KIF26B: variants seen among roughly 807,000 people sequenced by gnomAD.
The protein encoded by KIF26B is kinesin-like protein KIF26B.
In KIF26B, 63 loss-of-function variants were observed where a neutral mutation model predicts 151.2. The ratio of observed to expected loss-of-function variants is 0.42; its 90% CI spans 0.34 to 0.51. KIF26B has a LOEUF of 0.51. Among genes scored for constraint, KIF26B ranks in the 20% least tolerant of loss-of-function variants. KIF26B has a pLI of 0.07. For synonymous variants in KIF26B, 1,357 were observed against 1,262.1 expected (o/e 1.08, Z -1.59); for missense variants, 2,813 against 2,913.6 (o/e 0.97, Z 0.79).
chr1:245,641,638 C>T (rs1349045960), intron 9 of KIF26B, among the ~76,000 whole-genome samples: 1 of 151,860 alleles, frequency 6.6e-6, no homozygotes, highest in African/African-American at 2.4e-5. Context: ...TTTTTCATTT[C>T]ATTTATTGAA....
At chr1:245,184,831 C>T (rs1668972985) in intron 2 of KIF26B, among the ~76,000 whole-genome samples, 2 of 152,192 alleles carry the variant, frequency 1.3e-5, no homozygotes, top group Non-Finnish European at 2.9e-5. Flanking sequence ...GCGAGTGTGG[C>T]TGCCAGGTTG....
At chr1:245,433,738 T>C (rs1468300354) in intron 4 of KIF26B, among the ~76,000 whole-genome samples, 1 of 152,214 alleles carries the variant, frequency 6.6e-6, no homozygotes, top group African/African-American at 2.4e-5. Context: ...TGCTTTTTTT[T>C]CTGGCACCTG....
intron 2 of KIF26B, among the ~76,000 whole-genome samples, chr1:245,257,323 T>C (rs1486880272): frequency 6.6e-6 from 1 of 152,208 alleles, no homozygotes. Context: ...GGGCACGCAT[T>C]CTCAGGATCT....
intron 4 of KIF26B, among the ~76,000 whole-genome samples, chr1:245,482,418 A>G (rs1255055102): frequency 1.3e-5 from 2 of 151,812 alleles, no homozygotes; most frequent in East Asian, 1.9e-4. Flanking sequence ...AGACCTTCCA[A>G]TGAGTAATCC....
intron 9 of KIF26B, among the ~76,000 whole-genome samples, chr1:245,638,631 A>G (rs998674548): frequency 6.6e-6 from 1 of 151,888 alleles, no homozygotes; most frequent in Non-Finnish European, 1.5e-5. Context: ...AGTGTGTAAT[A>G]TATGACACTT....
At chr1:245,616,600 A>G (rs192410821) in intron 9 of KIF26B, among the ~76,000 whole-genome samples, 72 of 152,320 alleles carry the variant, frequency 4.7e-4, no homozygotes, top group African/African-American at 1.6e-3. Context: ...CCTGAAGGTA[A>G]CTTTATACAA....
At chr1:245,672,815 AAG>A (rs1000555416) in intron 10 of KIF26B, among the ~76,000 whole-genome samples, 2 of 152,208 alleles carry the variant, frequency 1.3e-5, no homozygotes, top group East Asian at 3.8e-4. Flanking sequence ...GTGGAGGGAT[AAG>A]AGAGTCACTG....
At chr1:245,493,365 G>A (rs1431689258) in intron 4 of KIF26B, among the ~76,000 whole-genome samples, 1 of 152,196 alleles carries the variant, frequency 6.6e-6, no homozygotes, top group Non-Finnish European at 1.5e-5. Flanking sequence ...AATTGGGCTT[G>A]CTGGATTTTA....
intron 2 of KIF26B, among the ~76,000 whole-genome samples, chr1:245,172,111 A>G (rs1231710435): frequency 6.6e-6 from 1 of 152,056 alleles, no homozygotes; most frequent in Non-Finnish European, 1.5e-5. Flanking sequence ...CTACCTGTCC[A>G]GCATTTCTTT....
intron 2 of KIF26B, among the ~76,000 whole-genome samples, chr1:245,188,920 G>A (rs1302952348): frequency 1.3e-5 from 2 of 152,212 alleles, no homozygotes; most frequent in Non-Finnish European, 1.5e-5. Flanking sequence ...GATGAACCTT[G>A]GAGACATGAT....
chr1:245,174,552 G>A (rs1314151075), intron 2 of KIF26B, among the ~76,000 whole-genome samples: 1 of 152,058 alleles, frequency 6.6e-6, no homozygotes, highest in African/African-American at 2.4e-5. Flanking sequence ...TGTCATCCGG[G>A]CTGGAGTGCA....
chr1:245,331,727 A>G (rs1412876269), intron 2 of KIF26B, among the ~76,000 whole-genome samples: 1 of 152,240 alleles, frequency 6.6e-6, no homozygotes, highest in East Asian at 1.9e-4. Flanking sequence ...CTATTATTAT[A>G]TAGTGCATAG....
At chr1:245,212,207 A>G (rs778638429) in intron 2 of KIF26B, among the ~76,000 whole-genome samples, 28 of 152,166 alleles carry the variant, frequency 1.8e-4, no homozygotes, top group Non-Finnish European at 3.2e-4. Context: ...GCAATTTCCC[A>G]TAATTCCACT....
rs115761910 is a variant in KIF26B, at chr1:245,416,338, G to A, written c.1000-3241G>A. On this transcript the variant is annotated intron_variant, in intron 3 of 14. Coordinates refer to ENST00000407071, the MANE Select transcript of KIF26B (RefSeq NM_018012.4). ...TAGAAAAGCAATGAAATGTTTTAAAGAAATGACTCTTACTTAAAAGACTTA... is the reference window on the plus strand; with the variant it reads ...TAGAAAAGCAATGAAATGTTTTAAAAAAATGACTCTTACTTAAAAGACTTA... Among the ~76,000 whole-genome samples the A allele has an allele frequency of 2.7e-3, 399 of 147,602 alleles. 2 individuals are homozygous for A. Among genetic ancestry groups the A allele is most frequent in the African/African-American group, 9.5e-3 (380 of 39,932 alleles).
At chr1:245,471,059 C>T (rs550875796) in intron 4 of KIF26B, among the ~76,000 whole-genome samples, 1 of 151,864 alleles carries the variant, frequency 6.6e-6, no homozygotes, top group African/African-American at 2.4e-5. Flanking sequence ...TATATTCAAG[C>T]AGAACAGTGT....
At chr1:245,455,842 G>A (rs1264298224) in intron 4 of KIF26B, among the ~76,000 whole-genome samples, 2 of 152,178 alleles carry the variant, frequency 1.3e-5, no homozygotes, top group Non-Finnish European at 1.5e-5. Flanking sequence ...GCTGCCCAGT[G>A]GAGGACATTC....
intron 3 of KIF26B, among the ~76,000 whole-genome samples, chr1:245,382,797 A>G (rs1673443607): frequency 6.6e-6 from 1 of 151,658 alleles, no homozygotes. Flanking sequence ...TGAACTCCCG[A>G]CCTCAGGTGA....
chr1:245,298,889 G>A (rs771051868), intron 2 of KIF26B, among the ~76,000 whole-genome samples: 3 of 152,256 alleles, frequency 2.0e-5, no homozygotes, highest in Middle Eastern at 3.4e-3. Flanking sequence ...TGGCAAAGGC[G>A]GAAACACTGG....
At chr1:245,490,765 T>C in intron 4 of KIF26B, among the ~76,000 whole-genome samples, 1 of 152,198 alleles carries the variant, frequency 6.6e-6, no homozygotes, top group East Asian at 1.9e-4. Context: ...TCTTCCTCAA[T>C]ACTGAATTCT....
Sources: allele counts gnomAD v4.1 joint callset (sites outside exome capture counted in the v4.1 genomes callset), GRCh38; gene constraint gnomAD v4.1.1; transcripts MANE v1.5; gene names NCBI Gene and HGNC (gene_info 2026-07-23, HGNC 2026-07-21).